The following TGFBI variants were observed in gnomAD, a reference collection of about 807,000 sequenced individuals.
TGFBI encodes transforming growth factor beta induced, also known as transforming growth factor-beta-induced protein ig-h3.
TGFBI carries 50 observed loss-of-function variants against 73.7 expected under a neutral mutation model. The ratio of observed to expected loss-of-function variants is 0.68; its 90% CI spans 0.54 to 0.86. The LOEUF (loss-of-function observed/expected upper bound fraction) is 0.86. Among genes scored for constraint, TGFBI ranks in the 40% least tolerant of loss-of-function variants. The probability of loss-of-function intolerance (pLI) is 0.00; values close to 1 mark genes in which losing one functional copy is unlikely to be tolerated. For missense variants in TGFBI, 839 were observed against 877.0 expected, an observed-to-expected ratio of 0.96 and a Z score of 0.55; for synonymous variants, 362 against 360.5, an observed-to-expected ratio of 1.00 and a Z score of -0.05.
At chr5:136,048,584 G>A (rs1198449396) in intron 6 of TGFBI, 1 of 152,326 alleles carries the variant, frequency 6.6e-6, no homozygotes, top group African/African-American at 2.4e-5. Flanking sequence ...CAAGTGGGCA[G>A]GTAAATCGGG....
In TGFBI at chr5:136,047,414, C is replaced by A. The variant is rs980111010; in HGVS notation, c.765C>A (p.Thr255=). The change falls in exon 6 of 17, where the codon ACC becomes ACA. Residue 255 remains threonine (T), a synonymous_variant. Coordinates refer to ENST00000442011, the MANE Select transcript of TGFBI (RefSeq NM_000358.3). ...TTGAGATCGAGGACACCTTTGAGACCCTTCGGGTAAGGGACTGCCCTGGGT... is the reference window on the plus strand; with the variant it reads ...TTGAGATCGAGGACACCTTTGAGACACTTCGGGTAAGGGACTGCCCTGGGT... ...QIIEIEDTFE[T]LRAAVAASGL... The A allele has an allele frequency of 1.2e-6, 2 of 1,613,840 alleles. No homozygotes were observed. The highest frequency in any genetic ancestry group is 1.7e-6 in the Non-Finnish European group (2 of 1,179,856).
Position 136,047,402 on chromosome 5 carries a change from C to T in TGFBI, c.753C>T (p.Asp251=), listed in dbSNP as rs761260418. 2 of 1,613,918 alleles carry T rather than the reference C, an allele frequency of 1.2e-6. No individual in the cohort carries two copies. Among genetic ancestry groups the T allele is most frequent in the Non-Finnish European group, 1.7e-6 (2 of 1,179,886 alleles). ...TCCAGCAGATCATTGAGATCGAGGA[C>T]ACCTTTGAGACCCTTCGGGTAAGGG... The part of the protein sequence containing the change: ...NNIQQIIEIE[D]TFETLRAAVA... Residue 251 remains aspartate (D), a synonymous_variant, in exon 6 of 17, where the codon GAC becomes GAT. Coordinates refer to ENST00000442011, the MANE Select transcript of TGFBI (RefSeq NM_000358.3).
chr5:136,058,797 C>T, intron 12 of TGFBI: 1 of 297,870 alleles, frequency 3.4e-6, no homozygotes, highest in Non-Finnish European at 6.3e-6. Context: ...GGATTAACTC[C>T]TTCTCAGCAG....
intron 1 of TGFBI, among the ~76,000 whole-genome samples, chr5:136,029,698 A>G (rs1313865166): frequency 6.6e-6 from 1 of 152,166 alleles, no homozygotes; most frequent in African/African-American, 2.4e-5. Flanking sequence ...CTGCACTCAG[A>G]CACTGCTGGC....
chr5:136,054,723 C>G lies in TGFBI; in HGVS notation c.1272C>G (p.Thr424=), dbSNP rs758987486. ...CATCACCCTTTCTTGTAGATGGAAC[C>G]CCTCCAATTGATGCCCATACAAGGA... ...APLNSVFKDG[T]PPIDAHTRNL... Residue 424 remains threonine (T), a synonymous_variant, in exon 10 of 17, where the codon ACC becomes ACG. Transcript: ENST00000442011. 1.9e-6 allele frequency: 3 copies of G among 1,613,808 alleles called. No homozygotes were observed. The South Asian group carries it at 3.3e-5, about 18-fold the overall frequency.
chr5:136,053,268 G>A, intron 8 of TGFBI, 149 bp downstream of exon 8: 1 of 726,794 alleles, frequency 1.4e-6, no homozygotes, highest in Non-Finnish European at 2.3e-6. Flanking sequence ...CAAATGTGTG[G>A]GTTGTGACCA....
intron 7 of TGFBI, among the ~76,000 whole-genome samples, chr5:136,051,356 G>A (rs1422197068): frequency 6.6e-6 from 1 of 151,994 alleles, no homozygotes; most frequent in Non-Finnish European, 1.5e-5. Context: ...CTTGAACCTG[G>A]GAGGCAGAAG....
At chr5:136,036,014 A>T (rs1751214819) in intron 2 of TGFBI, among the ~76,000 whole-genome samples, 1 of 152,244 alleles carries the variant, frequency 6.6e-6, no homozygotes, top group Non-Finnish European at 1.5e-5. Context: ...ACTGTCAGTG[A>T]TGAGTCGCCT....
At chr5:136,048,021 A>T (rs1751464327) in intron 6 of TGFBI, 1 of 152,460 alleles carries the variant, frequency 6.6e-6, no homozygotes, top group Non-Finnish European at 1.5e-5. Context: ...CTCAGGAGGA[A>T]GTGGAGGCAG....
At chr5:136,044,021 G>T in intron 2 of TGFBI, 37 bp from the exon 3 acceptor site, 1 of 1,586,712 alleles carries the variant, frequency 6.3e-7, no homozygotes, top group East Asian at 2.2e-5. Context: ...GAACAGTGAA[G>T]CCCTGCCTAA....
At chr5:136,032,502 G>GT (rs1168907168) in intron 1 of TGFBI, among the ~76,000 whole-genome samples, 2 of 152,186 alleles carry the variant, frequency 1.3e-5, no homozygotes, top group African/African-American at 4.8e-5. Flanking sequence ...TGCAATATTG[G>GT]TGTCTTCTTA....
chr5:136,033,272 C>A (rs920477535), intron 1 of TGFBI, among the ~76,000 whole-genome samples: 3 of 152,114 alleles, frequency 2.0e-5, no homozygotes, highest in Non-Finnish European at 2.9e-5. Context: ...GAGCTGTGAT[C>A]TAAGTAATGA....
At chr5:136,049,270 C>A (rs1265804648) in intron 6 of TGFBI, 169 bp from the exon 7 acceptor site, 3 of 828,166 alleles carry the variant, frequency 3.6e-6, no homozygotes, top group Non-Finnish European at 3.6e-6. Context: ...CCCAGCAAGG[C>A]CCCCTGGGGG....
chr5:136,061,686 C>A (rs1751751683), intron 15 of TGFBI, 107 bp downstream of exon 15: 1 of 934,596 alleles, frequency 1.1e-6, no homozygotes, highest in Non-Finnish European at 1.7e-6. Flanking sequence ...CTCCCCAGGG[C>A]TCTCTTAAAA....
chr5:136,061,305 CAT>C (rs1474250884), intron 14 of TGFBI, 193 bp from the exon 15 acceptor site: 7 of 613,710 alleles, frequency 1.1e-5, no homozygotes, highest in Non-Finnish European at 1.8e-5. Flanking sequence ...TGCCTCTCCT[CAT>C]GTGTGCATTC....
rs574026154 is a variant in TGFBI, at chr5:136,044,138, G to C, written c.298+16G>C. The C allele has an allele frequency of 4.3e-6, 7 of 1,609,568 alleles. No homozygotes were observed. The highest frequency in any genetic ancestry group is 5.9e-6 in the Non-Finnish European group (7 of 1,176,824). On this transcript the variant is annotated intron_variant, in intron 3 of 16. Transcript: ENST00000442011. ...TGTCCAGCAGGTGAATGAATCCTCC[G>C]GGCCTTGCCTGTTGGTGTGGGTGGA... is the stretch of plus-strand genomic sequence containing the variant.
At chr5:136,047,229 G>T in intron 5 of TGFBI, 45 bp from the exon 6 acceptor site, 2 of 1,606,520 alleles carry the variant, frequency 1.2e-6, no homozygotes, top group Non-Finnish European at 1.7e-6. Context: ...TTGGGACTAT[G>T]CCTCTGTTGT....
intron 11 of TGFBI, chr5:136,056,413 T>C (rs2074810): frequency 0.32 from 142,803 of 449,684 alleles, 26,119 homozygotes; most frequent in African/African-American, 0.62. Context: ...TTTCCCTCCT[T>C]TCTCCTGTGG....
intron 13 of TGFBI, 63 bp from the exon 14 acceptor site, chr5:136,060,771 A>T: frequency 7.9e-7 from 1 of 1,261,788 alleles, no homozygotes; most frequent in Non-Finnish European, 1.1e-6. Flanking sequence ...GAATGAATAA[A>T]ATAAATATAT....
Sources: allele counts gnomAD v4.1 joint callset (sites outside exome capture counted in the v4.1 genomes callset), GRCh38; gene constraint gnomAD v4.1.1; transcripts MANE v1.5; gene names NCBI Gene and HGNC (gene_info 2026-07-23, HGNC 2026-07-21).